The following PAK1 variants were observed in gnomAD, a reference collection of about 807,000 sequenced individuals.
The protein encoded by PAK1 is p21 (RAC1) activated kinase 1.
PAK1 carries 29 observed loss-of-function variants against 67.4 expected under a neutral mutation model. The observed-to-expected ratio is 0.43, with a 90% CI of 0.32 to 0.59. The LOEUF (loss-of-function observed/expected upper bound fraction) is 0.59, where lower values mean the gene tolerates loss of function less well. PAK1 is among the 20% of genes least tolerant of loss of function. The probability of loss-of-function intolerance (pLI) is 0.07; values close to 1 mark genes in which losing one functional copy is unlikely to be tolerated. For synonymous variants in PAK1, 223 were observed against 237.4 expected (o/e 0.94, Z 0.56); for missense variants, 337 against 670.7 (o/e 0.50, Z 5.50).
At chr11:77,336,322 T>G (rs537450989) in intron 12 of PAK1, 40 bp from the exon 13 acceptor site, 1 of 1,482,924 alleles carries the variant, frequency 6.7e-7, no homozygotes, top group East Asian at 2.3e-5. Context: ...ACATTTAGGA[T>G]ATACACTCAC....
intron 14 of PAK1, chr11:77,325,387 G>A (rs1427690903): frequency 6.2e-7 from 1 of 1,612,884 alleles, no homozygotes; most frequent in Non-Finnish European, 8.5e-7. Context: ...CTGTAAAAAT[G>A]AGAATAGAAC....
intron 12 of PAK1, 135 bp from the exon 13 acceptor site, chr11:77,336,417 T>C: frequency 1.8e-6 from 1 of 551,388 alleles, no homozygotes; most frequent in Non-Finnish European, 3.2e-6. Flanking sequence ...CTCTCCAAAG[T>C]CACTTGACTA....
chr11:77,454,025 C>T (rs987294581), intron 1 of PAK1, among the ~76,000 whole-genome samples: 4 of 152,212 alleles, frequency 2.6e-5, no homozygotes, highest in African/African-American at 9.6e-5. Context: ...GATCAGGCCA[C>T]TGTACTCCAG....
At chr11:77,407,788 G>A (rs1026903938) in intron 1 of PAK1, among the ~76,000 whole-genome samples, 2 of 152,182 alleles carry the variant, frequency 1.3e-5, no homozygotes, top group Admixed American at 6.5e-5. Context: ...CAGAGAGGGA[G>A]CTCAGCATAT....
chr11:77,522,318 C>A, the PAK1 span, among the ~76,000 whole-genome samples: 2 of 152,194 alleles, frequency 1.3e-5, no homozygotes, highest in African/African-American at 4.8e-5. Context: ...GGTTAGGAAT[C>A]CTGCATGGGG....
At chr11:77,398,407 T>A (rs1952135761) in intron 1 of PAK1, among the ~76,000 whole-genome samples, 1 of 152,216 alleles carries the variant, frequency 6.6e-6, no homozygotes, top group Non-Finnish European at 1.5e-5. Flanking sequence ...CATAATGACC[T>A]CCAGTTCCAT....
intron 1 of PAK1, among the ~76,000 whole-genome samples, chr11:77,402,565 GGTTGAGGCCTGTAAGGCCTCATAAA>G (rs538370215): frequency 3.6e-4 from 55 of 152,220 alleles, no homozygotes; most frequent in Admixed American, 5.9e-4. Context: ...CTGCCTTACA[GGTTGAGGCCTGTAAGGCCTCATAAA>G]GTTGAGGCCC....
intron 7 of PAK1, among the ~76,000 whole-genome samples, chr11:77,354,370 T>C (rs1189273910): frequency 1.3e-5 from 2 of 152,156 alleles, no homozygotes; most frequent in African/African-American, 4.8e-5. Context: ...TTGGTACTTT[T>C]CACATATATT....
intron 9 of PAK1, among the ~76,000 whole-genome samples, chr11:77,348,368 T>C (rs749954280): frequency 6.6e-6 from 1 of 152,218 alleles, no homozygotes; most frequent in Non-Finnish European, 1.5e-5. Context: ...TACTCTATAT[T>C]CCCTTCATAT....
the PAK1 span, among the ~76,000 whole-genome samples, chr11:77,479,768 C>A: frequency 6.6e-6 from 1 of 151,580 alleles, no homozygotes; most frequent in East Asian, 1.9e-4. Flanking sequence ...CCAGCACACC[C>A]GGCTAATTTT....
At chr11:77,340,503 C>A (rs1943435228) in intron 11 of PAK1, 143 bp downstream of exon 11, 3 of 644,006 alleles carry the variant, frequency 4.7e-6, no homozygotes, top group Non-Finnish European at 8.5e-6. Context: ...AACACAGGTA[C>A]AATACAGGAA....
chr11:77,512,549 G>A, the PAK1 span, among the ~76,000 whole-genome samples: 1 of 152,150 alleles, frequency 6.6e-6, no homozygotes, highest in African/African-American at 2.4e-5. Context: ...TACCAGTAGA[G>A]CATGGTGAAG....
At chr11:77,344,249 G>A (rs765809368) in intron 9 of PAK1, among the ~76,000 whole-genome samples, 4 of 152,176 alleles carry the variant, frequency 2.6e-5, no homozygotes, top group Non-Finnish European at 5.9e-5. Context: ...AAACTTTGGT[G>A]TAGAAAAATA....
At chr11:77,416,894 AGT>A (rs1954990259) in intron 1 of PAK1, among the ~76,000 whole-genome samples, 1 of 152,218 alleles carries the variant, frequency 6.6e-6, no homozygotes, top group South Asian at 2.1e-4. Flanking sequence ...CGGAGCTTGC[AGT>A]GAGCAGAGAT....
At chr11:77,409,940 C>A (rs1329653552) in intron 1 of PAK1, among the ~76,000 whole-genome samples, 3 of 152,130 alleles carry the variant, frequency 2.0e-5, no homozygotes, top group African/African-American at 7.2e-5. Flanking sequence ...AAAAGCCAGT[C>A]ATCAAAGGGG....
At chr11:77,401,000 C>T (rs1221124735) in intron 1 of PAK1, among the ~76,000 whole-genome samples, 1 of 152,174 alleles carries the variant, frequency 6.6e-6, no homozygotes, top group East Asian at 1.9e-4. Flanking sequence ...AGAACCACTA[C>T]ACCACACTAC....
chr11:77,518,711 T>C, the PAK1 span, among the ~76,000 whole-genome samples: 2 of 152,154 alleles, frequency 1.3e-5, no homozygotes, highest in Admixed American at 6.5e-5. Context: ...TTTTGTGGCA[T>C]CGTGGCAGCT....
intron 1 of PAK1, among the ~76,000 whole-genome samples, chr11:77,415,712 T>C (rs2138114268): frequency 6.6e-6 from 1 of 152,118 alleles, no homozygotes; most frequent in East Asian, 1.9e-4. Flanking sequence ...GAGAGGTAAG[T>C]GAATGGAAAG....
rs539591982 is a variant in PAK1 at position 77,421,318 on chromosome 11, T to TG, written c.-21-28778dup. Among the ~76,000 whole-genome samples the TG allele has an allele frequency of 1.8e-3, 272 of 152,328 alleles. 1 individual carries two copies. The highest frequency in any genetic ancestry group is 3.4e-3 in the Middle Eastern group (1 of 294). ...ACACATTTCCCCTCAGATAACCATA[T>TG]GGCTTATTCCCTGTCTTCCTTCAAG... On this transcript the variant is annotated intron_variant, in intron 1 of 14. Coordinates refer to ENST00000356341, the MANE Select transcript of PAK1 (RefSeq NM_002576.5).
Sources: allele counts gnomAD v4.1 joint callset (sites outside exome capture counted in the v4.1 genomes callset), GRCh38; gene constraint gnomAD v4.1.1; transcripts MANE v1.5; gene names NCBI Gene and HGNC (gene_info 2026-07-23, HGNC 2026-07-21).